Variants in PFKP observed in about 807,000 individuals in gnomAD.
PFKP encodes the protein phosphofructokinase, platelet, also known as ATP-dependent 6-phosphofructokinase, platelet type.
PFKP carries 101 observed loss-of-function variants against 94.3 expected under a neutral mutation model. The observed-to-expected ratio is 1.07, with a 90% CI of 0.91 to 1.26. PFKP has a LOEUF of 1.26. PFKP is among the 50% of genes most tolerant of loss of function. The pLI is 0.00. For missense variants in PFKP, 1,145 were observed against 1,103.3 expected (o/e 1.04, Z -0.53); for synonymous variants, 573 against 432.6 (o/e 1.32, Z -4.03).
At chr10:3,090,562 C>T (rs1588433428) in intron 2 of PFKP, among the ~76,000 whole-genome samples, 2 of 152,060 alleles carry the variant, frequency 1.3e-5, no homozygotes, top group East Asian at 3.9e-4. Flanking sequence ...CAGCCCCCTC[C>T]CCGGCCTGGT....
At chr10:3,087,781 G>A (rs969519436) in intron 2 of PFKP, among the ~76,000 whole-genome samples, 2 of 152,020 alleles carry the variant, frequency 1.3e-5, no homozygotes, top group African/African-American at 4.8e-5. Flanking sequence ...CCTAGTGAAC[G>A]GGTCCATTTC....
chr10:3,125,731 C>T (rs1837878296), intron 16 of PFKP, among the ~76,000 whole-genome samples: 1 of 152,268 alleles, frequency 6.6e-6, no homozygotes, highest in Admixed American at 6.5e-5. Flanking sequence ...CAGGCGGTTT[C>T]ACCAACATGT....
intron 1 of PFKP, among the ~76,000 whole-genome samples, chr10:3,072,226 C>T (rs1489686375): frequency 2.0e-5 from 3 of 152,250 alleles, no homozygotes; most frequent in Non-Finnish European, 4.4e-5. Context: ...ACTGTTAAGA[C>T]TTCAAGATTA....
rs559861797 is a variant in PFKP, at chr10:3,117,009, G to A, written c.1442+163G>A. On this transcript the variant is annotated intron_variant, in intron 14 of 21. Coordinates refer to ENST00000381125, the MANE Select transcript of PFKP (RefSeq NM_002627.5). ...GGTCCTCCCTCCAGTGGAACTGCCCGTGTTCCAGGGAGCTGGGGATGTGTC... is the reference window on the plus strand; with the variant it reads ...GGTCCTCCCTCCAGTGGAACTGCCCATGTTCCAGGGAGCTGGGGATGTGTC... 4.6e-5 allele frequency among the ~76,000 whole-genome samples: 7 copies of A among 152,332 alleles called. No individual in the cohort carries two copies. The East Asian group carries it at 7.7e-4, about 17-fold the overall frequency.
Position 3,101,686 on chromosome 10 carries a change from T to G in PFKP, c.454+132T>G. On this transcript the variant is annotated intron_variant, in intron 4 of 21. Transcript: ENST00000381125. The stretch of plus-strand genomic sequence containing the variant: ...ATCTTACAGGTCACCATCTCAGGAC[T>G]TTTTAGGATCTCAAAAAACAACAGC... The G allele has an allele frequency of 6.6e-6, 4 of 609,386 alleles. No individual in the cohort carries two copies. In the East Asian group the frequency reaches 1.3e-4, roughly 19 times the overall value. 37.7% of individuals were successfully genotyped at this position (609,386 alleles called of 1,614,324 possible).
At chr10:3,098,692 G>GAAAAAAA (rs1834707368) in intron 2 of PFKP, among the ~76,000 whole-genome samples, 1 of 94,474 alleles carries the variant, frequency 1.1e-5, no homozygotes, top group African/African-American at 3.9e-5. Flanking sequence ...AAAAAAAAAG[G>GAAAAAAA]TAATTGTCCT....
At chr10:3,106,096 C>T (rs963981310) in intron 7 of PFKP, among the ~76,000 whole-genome samples, 4 of 152,330 alleles carry the variant, frequency 2.6e-5, no homozygotes, top group African/African-American at 9.6e-5. Context: ...GCTGCTGGAG[C>T]CTGTGTGCAA....
chr10:3,103,843 C>A lies in PFKP; in HGVS notation c.519C>A (p.Ser173=). 4 of 1,614,060 alleles carry A rather than the reference C, an allele frequency of 2.5e-6. No individual in the cohort carries two copies. Among genetic ancestry groups the A allele is most frequent in the Non-Finnish European group, 3.4e-6 (4 of 1,180,036 alleles). ...TCAACGTGGTGGGCATGGTGGGCTC[C>A]ATCGACAATGATTTCTGCGGCACCG... is the stretch of plus-strand genomic sequence containing the variant. ...AYLNVVGMVG[S]IDNDFCGTDM... Residue 173 remains serine, a synonymous_variant, in exon 5 of 22, where the codon TCC becomes TCA. Coordinates refer to ENST00000381125, the MANE Select transcript of PFKP (RefSeq NM_002627.5).
At chr10:3,119,762 G>GTGGTCGCCGTATCATTAAAAAAATGCT in intron 15 of PFKP, 130 bp from the exon 16 acceptor site, 1 of 664,016 alleles carries the variant, frequency 1.5e-6, no homozygotes, top group Admixed American at 2.6e-5. Flanking sequence ...GTTGATCTCG[G>GTGGTCGCCGTATCATTAAAAAAATGCT]AGTGTTTTCG....
chr10:3,113,032 TG>T, intron 11 of PFKP, 86 bp from the exon 12 acceptor site: 1 of 1,178,046 alleles, frequency 8.5e-7, no homozygotes, highest in Non-Finnish European at 1.2e-6. Context: ...CATTGAGTGC[TG>T]GCAGATAAGC....
rs375685481 is a variant in PFKP at position 3,112,251 on chromosome 10, G to A, written c.1119G>A (p.Glu373=). The A allele has an allele frequency of 6.2e-7, 1 of 1,614,022 alleles. No individual in the cohort carries two copies. Among genetic ancestry groups the A allele is most frequent in the African/African-American group, 1.3e-5 (1 of 75,050 alleles). The change falls in exon 11 of 22, where the codon GAG becomes GAA. Residue 373 remains glutamate, a synonymous_variant. Transcript: ENST00000381125. ...MTQDVQKAMD[E]RRFQDAVRLR... ...AGGATGTGCAGAAGGCGATGGACGA[G>A]AGGAGATTTCAAGATGCGGTTCGAC... is the stretch of plus-strand genomic sequence containing the variant.
Position 3,113,811 on chromosome 10 carries a change from G to GTGAAGGAAGCCTC in PFKP, c.1371+293_1371+294insTGAAGGAAGCCTC, listed in dbSNP as rs201925971. 7.0e-3 allele frequency among the ~76,000 whole-genome samples: 1,073 copies of GTGAAGGAAGCCTC among 152,290 alleles called. 12 individuals carry two copies. The highest frequency in any genetic ancestry group is 0.024 in the African/African-American group (1,016 of 41,550). On this transcript the variant is annotated intron_variant, in intron 13 of 21. Coordinates refer to ENST00000381125, the MANE Select transcript of PFKP (RefSeq NM_002627.5). The stretch of plus-strand genomic sequence containing the variant: ...CTGACATTAGGTGAGAAGGAAGGTG[G>GTGAAGGAAGCCTC]CGTTGTCTCGGAGGCTGTGGTTTGT...
At chr10:3,093,804 C>T (rs553070300) in intron 2 of PFKP, among the ~76,000 whole-genome samples, 63 of 152,160 alleles carry the variant, frequency 4.1e-4, no homozygotes, top group Admixed American at 2.4e-3. Flanking sequence ...CCACCACACC[C>T]GGCTAATTTT....
At chr10:3,136,201 GTTGCAGTGAGCTGAGA>G (rs1460170198) in intron 21 of PFKP, among the ~76,000 whole-genome samples, 4 of 152,194 alleles carry the variant, frequency 2.6e-5, no homozygotes, top group Admixed American at 6.5e-5. Flanking sequence ...GGAGGCAGAG[GTTGCAGTGAGCTGAGA>G]TTGCACCACT....
Position 3,100,229 on chromosome 10 carries a change from G to A in PFKP, c.264+877G>A, listed in dbSNP as rs549416791. On this transcript the variant is annotated intron_variant, in intron 3 of 21. Coordinates refer to ENST00000381125, the MANE Select transcript of PFKP (RefSeq NM_002627.5). ...TCTAGCTCCCATTGTGCTGGCTCTC[G>A]TGCTGCCCCCCAGGTTTTTGTCCAG... 1.3e-4 allele frequency among the ~76,000 whole-genome samples: 19 copies of A among 151,986 alleles called. No individual in the cohort carries two copies. In the South Asian group the frequency reaches 2.7e-3, roughly 22 times the overall value.
intron 2 of PFKP, among the ~76,000 whole-genome samples, chr10:3,086,067 C>A (rs1319436832): frequency 1.3e-5 from 2 of 152,090 alleles, no homozygotes; most frequent in African/African-American, 4.8e-5. Context: ...GCTCTTAGTA[C>A]AGAAATGTGG....
chr10:3,091,075 G>C (rs1021665470), intron 2 of PFKP, among the ~76,000 whole-genome samples: 1 of 152,148 alleles, frequency 6.6e-6, no homozygotes, highest in Non-Finnish European at 1.5e-5. Context: ...TCTGGCCGCT[G>C]CTTGAGCTCC....
intron 4 of PFKP, among the ~76,000 whole-genome samples, chr10:3,102,540 A>G (rs953511300): frequency 6.6e-6 from 1 of 151,932 alleles, no homozygotes; most frequent in African/African-American, 2.4e-5. Context: ...CAGCCTCCCA[A>G]GCAGCTGGGA....
intron 3 of PFKP, chr10:3,101,036 G>A (rs1288766232): frequency 6.6e-7 from 1 of 1,524,006 alleles, no homozygotes; most frequent in Admixed American, 1.7e-5. Flanking sequence ...CGTGCACCTG[G>A]TTGAGCTCGT....
Sources: gnomAD v4.1 joint callset for allele counts (sites outside exome capture counted in the v4.1 genomes callset) on GRCh38, gnomAD v4.1.1 for gene constraint, MANE v1.5 for transcripts, NCBI Gene and HGNC (gene_info 2026-07-23, HGNC 2026-07-21) for gene names.